CFAP54: variants seen among roughly 807,000 people sequenced by gnomAD.
The protein encoded by CFAP54 is cilia and flagella associated protein 54.
In CFAP54, 290 loss-of-function variants were observed where a neutral mutation model predicts 370.4. The ratio of observed to expected loss-of-function variants is 0.78; its 90% CI spans 0.71 to 0.86. The LOEUF is 0.86. Ranked by LOEUF, CFAP54 falls within the 40% of genes least tolerant of loss-of-function variation. The pLI, the probability that CFAP54 is intolerant of heterozygous loss-of-function variation, is 0.00. For synonymous variants in CFAP54, 1,206 were observed against 1,236.5 expected, an observed-to-expected ratio of 0.98 and a Z score of 0.52; for missense variants, 3,399 against 3,528.7, an observed-to-expected ratio of 0.96 and a Z score of 0.93.
At chr12:96,711,852 G>A (rs1444624277) in intron 48 of CFAP54, among the ~76,000 whole-genome samples, 1 of 152,064 alleles carries the variant, frequency 6.6e-6, no homozygotes, top group Admixed American at 6.6e-5. Context: ...TTGTAGCTGT[G>A]GTTCCTTTAT....
chr12:96,866,847 C>T (rs1168703110), intron 67 of CFAP54, among the ~76,000 whole-genome samples: 1 of 152,076 alleles, frequency 6.6e-6, no homozygotes, highest in Non-Finnish European at 1.5e-5. Context: ...ATTATTTTCC[C>T]TAATAGCCAG....
intron 22 of CFAP54, among the ~76,000 whole-genome samples, chr12:96,581,463 A>G (rs1225623369): frequency 2.0e-5 from 3 of 152,114 alleles, no homozygotes; most frequent in African/African-American, 7.2e-5. Flanking sequence ...TGTCTAGAGA[A>G]ATTTTCAGTT....
At chr12:96,625,134 A>G (rs1285633534) in intron 28 of CFAP54, among the ~76,000 whole-genome samples, 2 of 152,202 alleles carry the variant, frequency 1.3e-5, no homozygotes, top group African/African-American at 2.4e-5. Flanking sequence ...GCCAGTCACT[A>G]TTTTACAAAA....
intron 67 of CFAP54, among the ~76,000 whole-genome samples, chr12:96,868,770 C>T (rs1185380207): frequency 2.0e-5 from 3 of 151,838 alleles, no homozygotes; most frequent in Admixed American, 6.6e-5. Context: ...ATTTTTTTAA[C>T]GTGCCATTCA....
Position 96,499,684 on chromosome 12 carries a change from G to A in CFAP54, c.318-1150G>A, listed in dbSNP as rs574866683. 5.3e-5 allele frequency among the ~76,000 whole-genome samples: 8 copies of A among 152,282 alleles called. No homozygotes were observed. The South Asian group carries it at 1.4e-3, about 28-fold the overall frequency. ...CATCGGGCTGGGAGCGGTGGCTCAT[G>A]CCTGTAATACTAGCACTTTGGGTGG... is the stretch of plus-strand genomic sequence containing the variant. On this transcript the variant is annotated intron_variant, in intron 1 of 67. Coordinates refer to ENST00000524981, the MANE Select transcript of CFAP54 (RefSeq NM_001306084.2).
chr12:96,796,495 C>T (rs1219071517), intron 63 of CFAP54, among the ~76,000 whole-genome samples: 3 of 152,026 alleles, frequency 2.0e-5, no homozygotes, highest in Non-Finnish European at 4.4e-5. Flanking sequence ...TGTTTTCTTT[C>T]TGAGAAATAG....
rs563470266 is a variant in CFAP54 at position 96,560,141 on chromosome 12, C to A, written c.2411-4327C>A. On this transcript the variant is annotated intron_variant, in intron 17 of 67. Transcript: ENST00000524981. ...TATTTGTGTTGAGAACATCTCAAAT[C>A]TTCTAGCTATTTTGAAATGTATAAT... Among the ~76,000 whole-genome samples, 259 of 152,250 alleles carry A rather than the reference C, an allele frequency of 1.7e-3. 2 individuals carry two copies. Among genetic ancestry groups the A allele is most frequent in the African/African-American group, 6.0e-3 (248 of 41,550 alleles).
In CFAP54 at chr12:96,630,124, G is replaced by T; in HGVS notation, c.4135G>T (p.Val1379Leu). ...RNESLLGLIK[V>L]KYKDSALNKK... ...TGAGTCTCTACTTGGACTAATAAAA[G>T]TGAAATATAAGGATAGTGCTTTGAA... Residue 1379 changes from valine to leucine, a missense_variant, in exon 31 of 68, where the codon GTG (valine) becomes TTG (leucine). Val to Leu is a conservative substitution (Grantham distance 32). This residue lies in a region of CFAP54 where 2,796 missense variants were observed against 2,869.7 expected (regional missense o/e 0.97). Coordinates refer to ENST00000524981, the MANE Select transcript of CFAP54 (RefSeq NM_001306084.2). The T allele has an allele frequency of 1.3e-6, 2 of 1,487,572 alleles. No individual in the cohort carries two copies. Among genetic ancestry groups the T allele is most frequent in the South Asian group, 2.5e-5 (2 of 80,802 alleles). The allele number at this position is 1,487,572 out of a possible 1,614,324, so 92.1% of individuals were successfully genotyped here.
rs775277410 is a variant in CFAP54 at position 96,718,426 on chromosome 12, A to G, written c.6725-17A>G. ...CATAGATATCCTTGGTCCTTCCAAAATTTTGTGTCTTTATAGAGATATATT... is the reference window on the plus strand; with the variant it reads ...CATAGATATCCTTGGTCCTTCCAAAGTTTTGTGTCTTTATAGAGATATATT... On this transcript the variant is annotated splice_polypyrimidine_tract_variant and intron_variant, in intron 48 of 67. Transcript: ENST00000524981. 1.5e-6 allele frequency: 2 copies of G among 1,315,092 alleles called. No homozygotes were observed. Among genetic ancestry groups the G allele is most frequent in the Non-Finnish European group, 2.2e-6 (2 of 915,672 alleles). 81.5% of individuals were successfully genotyped at this position (1,315,092 alleles called of 1,614,324 possible).
intron 38 of CFAP54, among the ~76,000 whole-genome samples, chr12:96,662,192 T>A (rs1957002634): frequency 6.6e-6 from 1 of 152,164 alleles, no homozygotes; most frequent in African/African-American, 2.4e-5. Flanking sequence ...ACTTTCAGCC[T>A]ATAATATATT....
intron 60 of CFAP54, among the ~76,000 whole-genome samples, chr12:96,775,958 A>G (rs1958515014): frequency 6.6e-6 from 1 of 152,190 alleles, no homozygotes; most frequent in Non-Finnish European, 1.5e-5. Flanking sequence ...CTTTGTTATA[A>G]GACCTGATAG....
At chr12:96,534,935 A>G (rs1955485572) in intron 11 of CFAP54, among the ~76,000 whole-genome samples, 1 of 151,488 alleles carries the variant, frequency 6.6e-6, no homozygotes, top group Admixed American at 6.6e-5. Context: ...ATAGCATACA[A>G]ATGTTGGAAT....
At chr12:96,502,675 G>T (rs1955043946) in intron 2 of CFAP54, among the ~76,000 whole-genome samples, 1 of 152,122 alleles carries the variant, frequency 6.6e-6, no homozygotes, top group Non-Finnish European at 1.5e-5. Flanking sequence ...TTCAACCTTG[G>T]GCAGTTGCTT....
intron 65 of CFAP54, among the ~76,000 whole-genome samples, chr12:96,823,747 A>G (rs2136745303): frequency 6.6e-6 from 1 of 152,202 alleles, no homozygotes; most frequent in South Asian, 2.1e-4. Flanking sequence ...TGAATGGATA[A>G]ATGGTGAAAG....
At chr12:96,582,510 G>A (rs1229375306) in intron 22 of CFAP54, among the ~76,000 whole-genome samples, 1 of 152,056 alleles carries the variant, frequency 6.6e-6, no homozygotes, top group African/African-American at 2.4e-5. Context: ...AGAATTACTA[G>A]GATTTGTCTA....
At chr12:96,545,285 C>G (rs1592843553) in intron 14 of CFAP54, among the ~76,000 whole-genome samples, 1 of 152,152 alleles carries the variant, frequency 6.6e-6, no homozygotes, top group East Asian at 1.9e-4. Context: ...ATTAGGAGAA[C>G]TACCTAATAC....
chr12:96,701,967 T>C (rs540055639), intron 46 of CFAP54, among the ~76,000 whole-genome samples: 37 of 152,158 alleles, frequency 2.4e-4, no homozygotes, highest in African/African-American at 8.9e-4. Flanking sequence ...GGGGTGTACA[T>C]TGGGACACCA....
chr12:96,730,120 G>A (rs1957904024), intron 50 of CFAP54, among the ~76,000 whole-genome samples: 1 of 152,124 alleles, frequency 6.6e-6, no homozygotes, highest in African/African-American at 2.4e-5. Context: ...TGCCTGCCAG[G>A]GACACAGATG....
intron 60 of CFAP54, among the ~76,000 whole-genome samples, chr12:96,781,687 T>C (rs1592758214): frequency 6.6e-6 from 1 of 152,020 alleles, no homozygotes. Flanking sequence ...CAGAAAGAGC[T>C]TTTAGAACAT....
Sources: gnomAD v4.1 joint callset for allele counts (sites outside exome capture counted in the v4.1 genomes callset) on GRCh38, gnomAD v4.1.1 for gene constraint, gnomAD v4.1.1 regional missense constraint, MANE v1.5 for transcripts, NCBI Gene and HGNC (gene_info 2026-07-23, HGNC 2026-07-21) for gene names.